PTPRD: variants seen among roughly 807,000 people sequenced by gnomAD.
The protein encoded by PTPRD is receptor-type tyrosine-protein phosphatase delta.
In PTPRD, 34 loss-of-function variants were observed where a neutral mutation model predicts 214.5. That is an observed-to-expected ratio of 0.16 (90% CI 0.12 to 0.21). The LOEUF (loss-of-function observed/expected upper bound fraction) is 0.21, where lower values mean the gene tolerates loss of function less well. PTPRD is among the 10% of genes least tolerant of loss of function. PTPRD has a pLI of 1.00. For missense variants in PTPRD, 2,545 were observed against 2,398.7 expected, an observed-to-expected ratio of 1.06 and a Z score of -1.27; for synonymous variants, 1,128 against 845.7, an observed-to-expected ratio of 1.33 and a Z score of -5.79.
At chr9:10,215,796 A>C (rs954213772) in intron 3 of PTPRD, among the ~76,000 whole-genome samples, 7 of 152,086 alleles carry the variant, frequency 4.6e-5, no homozygotes, top group African/African-American at 1.7e-4. Context: ...GTTTAATACA[A>C]TGTATATCAA....
At chr9:8,439,197 C>A (rs1003972746) in intron 34 of PTPRD, among the ~76,000 whole-genome samples, 5 of 152,180 alleles carry the variant, frequency 3.3e-5, no homozygotes, top group African/African-American at 1.2e-4. Context: ...AGAAAGAACC[C>A]TGGCTTAGAA....
At chr9:9,770,586 CTTG>C (rs2098744255) in intron 5 of PTPRD, among the ~76,000 whole-genome samples, 1 of 152,046 alleles carries the variant, frequency 6.6e-6, no homozygotes, top group Non-Finnish European at 1.5e-5. Flanking sequence ...TCTCATTCTG[CTTG>C]TTTTCAAATG....
At chr9:8,476,916 T>C (rs988192283) in intron 30 of PTPRD, among the ~76,000 whole-genome samples, 1 of 152,168 alleles carries the variant, frequency 6.6e-6, no homozygotes, top group African/African-American at 2.4e-5. Context: ...AGCAATGGCA[T>C]GCCCAAATAG....
rs140016979 is a variant in PTPRD, at chr9:9,601,111, A to ATGTGTGTG, written c.-286-26338_-286-26331dup. Among the ~76,000 whole-genome samples the ATGTGTGTG allele has an allele frequency of 1.4e-3, 141 of 97,520 alleles. 1 individual carries two copies. The highest frequency in any genetic ancestry group is 5.2e-3 in the Middle Eastern group (1 of 194). 64.0% of individuals were successfully genotyped at this position (97,520 alleles called of 152,430 possible). A position where few individuals can be genotyped will look rare whatever the true frequency, so the allele number is the denominator to read the frequency against. Reference sequence around the variant, plus strand: ...ATACACTGGGAAAAGAGATTAATATATGTGTGTGTGTGTGTGTGTGTGTGT... The same window carrying ATGTGTGTG: ...ATACACTGGGAAAAGAGATTAATATATGTGTGTGTGTGTGTGTGTGTGTGTGTGTGTGT... On this transcript the variant is annotated intron_variant, in intron 7 of 45. Coordinates refer to ENST00000381196, the MANE Select transcript of PTPRD (RefSeq NM_002839.4).
At chr9:8,745,520 A>G (rs7038493) in intron 11 of PTPRD, among the ~76,000 whole-genome samples, 10,647 of 152,208 alleles carry the variant, frequency 0.07, 988 homozygotes, top group African/African-American at 0.22. Flanking sequence ...GTCCTAGACC[A>G]ATAAATAATT....
chr9:10,419,182 T>C (rs1216088846), intron 2 of PTPRD, among the ~76,000 whole-genome samples: 1 of 151,972 alleles, frequency 6.6e-6, no homozygotes, highest in Non-Finnish European at 1.5e-5. Context: ...ACTTTCATGT[T>C]GCAAAATCCC....
intron 5 of PTPRD, among the ~76,000 whole-genome samples, chr9:9,923,767 A>G (rs1001265699): frequency 6.6e-6 from 1 of 152,046 alleles, no homozygotes; most frequent in East Asian, 1.9e-4. Flanking sequence ...TCTAAAATGT[A>G]TACTTCTCAT....
intron 26 of PTPRD, among the ~76,000 whole-genome samples, chr9:8,495,233 A>C (rs1242865304): frequency 6.6e-6 from 1 of 152,218 alleles, no homozygotes; most frequent in East Asian, 1.9e-4. Flanking sequence ...TCCTGGAAGT[A>C]GACTCCCCCT....
intron 9 of PTPRD, among the ~76,000 whole-genome samples, chr9:9,200,747 C>T (rs1384411999): frequency 6.6e-6 from 1 of 152,178 alleles, no homozygotes; most frequent in Non-Finnish European, 1.5e-5. Flanking sequence ...GGATAATCAA[C>T]AATGCTTTTG....
At chr9:8,704,651 G>C (rs1286206151) in intron 12 of PTPRD, among the ~76,000 whole-genome samples, 7 of 151,954 alleles carry the variant, frequency 4.6e-5, no homozygotes, top group African/African-American at 1.5e-4. Context: ...AATACCCGAG[G>C]AGCCTATCAC....
intron 10 of PTPRD, among the ~76,000 whole-genome samples, chr9:9,075,526 A>T (rs533985407): frequency 4.6e-5 from 7 of 152,166 alleles, no homozygotes; most frequent in African/African-American, 1.7e-4. Context: ...CTCGTCATTT[A>T]CATTAGATAT....
chr9:9,023,496 A>C (rs2099576404), intron 10 of PTPRD, among the ~76,000 whole-genome samples: 1 of 151,954 alleles, frequency 6.6e-6, no homozygotes, highest in Admixed American at 6.6e-5. Context: ...TGATTTTTCC[A>C]TTTCCATTCT....
chr9:8,512,074 T>C (rs1468797012), intron 21 of PTPRD, among the ~76,000 whole-genome samples: 2 of 152,086 alleles, frequency 1.3e-5, no homozygotes, highest in Admixed American at 1.3e-4. Flanking sequence ...ATAGTATAAA[T>C]ATGAAATATG....
intron 8 of PTPRD, among the ~76,000 whole-genome samples, chr9:9,450,748 T>TGGG (rs74997318): frequency 6.9e-5 from 10 of 144,172 alleles, no homozygotes; most frequent in African/African-American, 2.5e-4. Flanking sequence ...GTACATATTA[T>TGGG]GGGGGGGGGT....
At chr9:8,799,409 G>A (rs1056777998) in intron 11 of PTPRD, among the ~76,000 whole-genome samples, 2 of 152,196 alleles carry the variant, frequency 1.3e-5, no homozygotes, top group Admixed American at 1.3e-4. Context: ...AAGTTTCCCT[G>A]CTGGAAGAGA....
In PTPRD at chr9:10,340,528, G is replaced by A. The variant is rs566455432; in HGVS notation, c.-545+435C>T. Among the ~76,000 whole-genome samples, 7 of 151,938 alleles carry A rather than the reference G, an allele frequency of 4.6e-5. No homozygotes were observed. In the South Asian group the frequency reaches 1.5e-3, roughly 31 times the overall value. On this transcript the variant is annotated intron_variant, in intron 3 of 45. Transcript: ENST00000381196. ...CCAAAGGTGAACATCTTCAAAGTCAGAAATATTCAGAATTAAAAACTAGCT... is the reference window on the plus strand; with the variant it reads ...CCAAAGGTGAACATCTTCAAAGTCAAAAATATTCAGAATTAAAAACTAGCT...
At chr9:8,705,250 C>G (rs1005918434) in intron 12 of PTPRD, among the ~76,000 whole-genome samples, 1 of 152,084 alleles carries the variant, frequency 6.6e-6, no homozygotes, top group African/African-American at 2.4e-5. Context: ...TTGAGATGGT[C>G]TCACTTGTCA....
intron 9 of PTPRD, among the ~76,000 whole-genome samples, chr9:9,239,310 A>T (rs537521173): frequency 6.6e-6 from 1 of 152,244 alleles, no homozygotes; most frequent in South Asian, 2.1e-4. Context: ...ATAATTTTAA[A>T]TTTTTTGGTC....
chr9:9,044,915 G>A (rs1056001156), intron 10 of PTPRD, among the ~76,000 whole-genome samples: 1 of 152,168 alleles, frequency 6.6e-6, no homozygotes, highest in Non-Finnish European at 1.5e-5. Flanking sequence ...GACAGCACTA[G>A]TCAGGCCATT....
Sources: allele counts gnomAD v4.1 joint callset (sites outside exome capture counted in the v4.1 genomes callset), GRCh38; gene constraint gnomAD v4.1.1; transcripts MANE v1.5; gene names NCBI Gene and HGNC (gene_info 2026-07-23, HGNC 2026-07-21).